The following FAS variants were observed in gnomAD, a reference collection of about 807,000 sequenced individuals.
FAS encodes Fas cell surface death receptor.
FAS carries 5 observed loss-of-function variants against 33.2 expected under a neutral mutation model. The observed-to-expected ratio is 0.15, with a 90% CI of 0.08 to 0.32. FAS has a LOEUF of 0.32. Ranked by LOEUF, FAS falls within the 10% of genes least tolerant of loss-of-function variation. The probability of loss-of-function intolerance (pLI) is 1.00; values close to 1 mark genes in which losing one functional copy is unlikely to be tolerated. For synonymous variants in FAS, 131 were observed against 130.7 expected (o/e 1.00, Z -0.01); for missense variants, 339 against 386.0 (o/e 0.88, Z 1.02).
intron 2 of FAS, among the ~76,000 whole-genome samples, chr10:89,005,932 C>G (rs975134136): frequency 1.2e-4 from 19 of 152,310 alleles, no homozygotes; most frequent in Admixed American, 1.2e-3. Context: ...ACCCACTGTG[C>G]CCGGCCTGAT....
chr10:88,988,500 G>A (rs1474344603), upstream of FAS, among the ~76,000 whole-genome samples: 1 of 143,656 alleles, frequency 7.0e-6, no homozygotes, highest in Non-Finnish European at 1.5e-5. Context: ...GTGTTATTCA[G>A]AATGTTCAGA....
At chr10:88,991,379 G>A (rs1847204557) in intron 1 of FAS, 1 of 299,446 alleles carries the variant, frequency 3.3e-6, no homozygotes, top group East Asian at 6.6e-5. Context: ...CGCCCCGCGG[G>A]GGCGGGGAGA....
chr10:88,997,005 A>G (rs1847639030), intron 1 of FAS, among the ~76,000 whole-genome samples: 1 of 152,178 alleles, frequency 6.6e-6, no homozygotes, highest in East Asian at 1.9e-4. Flanking sequence ...CTTATCTTCA[A>G]GCTTATTTTT....
chr10:88,972,070 A>C (rs1012896200), intron 1 of FAS, among the ~76,000 whole-genome samples: 31 of 151,920 alleles, frequency 2.0e-4, no homozygotes, highest in African/African-American at 7.0e-4. Context: ...CACCACGCCC[A>C]GTTAATTTTT....
chr10:89,010,224 C>T (rs771400523), intron 4 of FAS, among the ~76,000 whole-genome samples: 1 of 152,164 alleles, frequency 6.6e-6, no homozygotes, highest in African/African-American at 2.4e-5. Flanking sequence ...ATAGGATTTA[C>T]GTGTTCAGTT....
chr10:88,991,203 C>G (rs1208670826), intron 1 of FAS: 2 of 556,878 alleles, frequency 3.6e-6, no homozygotes, highest in Non-Finnish European at 6.5e-6. Flanking sequence ...CCACTGCGCT[C>G]CACGTTGAGG....
At chr10:88,982,569 A>G (rs1028801792), upstream of FAS, among the ~76,000 whole-genome samples, 1 of 152,222 alleles carries the variant, frequency 6.6e-6, no homozygotes, top group African/African-American at 2.4e-5. Context: ...TGGTCACATT[A>G]TCCTGATTGG....
upstream of FAS, among the ~76,000 whole-genome samples, chr10:88,982,659 A>G (rs1846739713): frequency 6.6e-6 from 1 of 152,086 alleles, no homozygotes; most frequent in Non-Finnish European, 1.5e-5. Flanking sequence ...AAATGAACTA[A>G]GTTTTTTTTT....
chr10:88,997,551 G>T (rs916154508), intron 1 of FAS, among the ~76,000 whole-genome samples: 1 of 152,100 alleles, frequency 6.6e-6, no homozygotes, highest in Non-Finnish European at 1.5e-5. Context: ...ACATACAAAT[G>T]AATGGGATCT....
At chr10:88,998,658 C>T (rs1441112251) in intron 1 of FAS, among the ~76,000 whole-genome samples, 1 of 152,160 alleles carries the variant, frequency 6.6e-6, no homozygotes, top group East Asian at 1.9e-4. Context: ...CCTGAATCTC[C>T]TTTGCTAGAT....
intron 1 of FAS, among the ~76,000 whole-genome samples, chr10:88,972,362 T>C (rs757128981): frequency 6.6e-6 from 1 of 152,234 alleles, no homozygotes; most frequent in Non-Finnish European, 1.5e-5. Flanking sequence ...TAGTAATTGA[T>C]GTCACAAAAG....
At chr10:88,964,221 C>A (rs1367512938) in intron 1 of FAS, among the ~76,000 whole-genome samples, 2 of 151,790 alleles carry the variant, frequency 1.3e-5, no homozygotes, top group African/African-American at 2.4e-5. Context: ...ATCTGGAACC[C>A]CTGCAAAAAA....
intron 1 of FAS, among the ~76,000 whole-genome samples, chr10:88,968,485 C>G (rs567155576): frequency 6.6e-6 from 1 of 152,126 alleles, no homozygotes; most frequent in Non-Finnish European, 1.5e-5. Flanking sequence ...GTTGGTAACA[C>G]GGGCACTCTG....
upstream of FAS, among the ~76,000 whole-genome samples, chr10:88,987,086 T>C (rs943389206): frequency 3.3e-5 from 5 of 152,222 alleles, no homozygotes; most frequent in Non-Finnish European, 7.3e-5. Flanking sequence ...CATATTTCTA[T>C]TAATTGGTAG....
intron 1 of FAS, among the ~76,000 whole-genome samples, chr10:88,996,600 C>G (rs535665126): frequency 6.6e-6 from 1 of 152,074 alleles, no homozygotes; most frequent in East Asian, 1.9e-4. Context: ...TAAGTGTTCT[C>G]GCCACACACA....
chr10:88,968,099 A>G (rs1385144101), intron 1 of FAS, among the ~76,000 whole-genome samples: 1 of 152,154 alleles, frequency 6.6e-6, no homozygotes, highest in African/African-American at 2.4e-5. Flanking sequence ...GAAGTAAACT[A>G]TTCAATTCAG....
At chr10:88,965,235 T>G (rs369950698) in intron 1 of FAS, among the ~76,000 whole-genome samples, 16 of 152,208 alleles carry the variant, frequency 1.1e-4, no homozygotes, top group African/African-American at 3.9e-4. Context: ...GTTGTAAACT[T>G]TTGGAGGCAG....
rs555708194 is a variant in FAS at position 89,000,517 on chromosome 10, A to G, written c.31-2512A>G. Among the ~76,000 whole-genome samples the G allele has an allele frequency of 3.3e-5, 5 of 152,372 alleles. No homozygotes were observed. The South Asian group carries it at 1.0e-3, about 32-fold the overall frequency. On this transcript the variant is annotated intron_variant, in intron 1 of 8. Transcript: ENST00000652046. ...ATGAAGAAAAATAGTCTTATCAACT[A>G]GAAATAAGCACCATTAAAATTTCTG...
rs1848812207 is a variant in FAS, at chr10:89,016,535, A to C, written c.*2085A>C. On this transcript the variant is annotated 3_prime_UTR_variant, in exon 9 of 9. Coordinates refer to ENST00000652046, the MANE Select transcript of FAS (RefSeq NM_000043.6). Reference sequence around the variant, plus strand: ...AAGAACTTTGAGTTCCTTTGGGAGGAAGACAGTGGAGAAGTCTTTGTACTT... The same window carrying C: ...AAGAACTTTGAGTTCCTTTGGGAGGCAGACAGTGGAGAAGTCTTTGTACTT... The C allele has an allele frequency of 4.4e-6, 1 of 226,842 alleles. No homozygotes were observed. The highest frequency in any genetic ancestry group is 2.2e-5 in the African/African-American group (1 of 45,004). 14.1% of individuals were successfully genotyped at this position (226,842 alleles called of 1,614,324 possible).
Sources: allele counts gnomAD v4.1 joint callset (sites outside exome capture counted in the v4.1 genomes callset), GRCh38; gene constraint gnomAD v4.1.1; transcripts MANE v1.5; gene names NCBI Gene and HGNC (gene_info 2026-07-23, HGNC 2026-07-21).